Variants in CPNE2 observed in about 807,000 individuals in gnomAD.
The protein encoded by CPNE2 is copine-2.
Under a neutral mutation model 69.7 loss-of-function variants are expected in CPNE2, and 42 were observed. The observed-to-expected ratio is 0.60, with a 90% CI of 0.47 to 0.78. The LOEUF (loss-of-function observed/expected upper bound fraction) is 0.78, where lower values mean the gene tolerates loss of function less well. CPNE2 is among the 30% of genes least tolerant of loss of function. The pLI is 0.00. For synonymous variants in CPNE2, 294 were observed against 289.8 expected, an observed-to-expected ratio of 1.01 and a Z score of -0.15; for missense variants, 587 against 732.0, an observed-to-expected ratio of 0.80 and a Z score of 2.29.
In CPNE2 at chr16:57,095,072, G is replaced by C. The variant is rs78419474; in HGVS notation, c.-36+2282G>C. ...TGAACCTTATTCATAGATGGCACTG[G>C]GGCTACCGAATCAGGAGCAAAACAC... On this transcript the variant is annotated intron_variant, in intron 1 of 15. Transcript: ENST00000290776. Among the ~76,000 whole-genome samples the C allele has an allele frequency of 5.0e-3, 762 of 152,256 alleles. 7 individuals carry two copies. Among genetic ancestry groups the C allele is most frequent in the South Asian group, 0.026 (127 of 4,824 alleles).
intron 10 of CPNE2, chr16:57,124,886 G>T: frequency 4.3e-6 from 1 of 234,162 alleles, no homozygotes; most frequent in Non-Finnish European, 8.8e-6. Flanking sequence ...TGTTCCTCCT[G>T]CACGAGTTTG....
In CPNE2 at chr16:57,146,321, C is replaced by T. The variant is rs372028402; in HGVS notation, c.1539C>T (p.Asn513=). The T allele has an allele frequency of 3.2e-5, 50 of 1,547,506 alleles. No individual in the cohort carries two copies. The highest frequency in any genetic ancestry group is 3.9e-5 in the Admixed American group (2 of 51,162). The stretch of plus-strand genomic sequence containing the variant: ...TCGTTCCCTTTCGAGAGTTCCGCAA[C>T]GTGAGTGTGGGCCTGGGCTGGGAGG... The part of the protein sequence containing the change: ...VQFVPFREFR[N]AAKETLAKAV... The change falls in exon 15 of 16, where the codon AAC becomes AAT. Residue 513 remains asparagine, a splice_region_variant and synonymous_variant. Transcript: ENST00000290776. The surrounding 1 kb of genome is among the most constrained non-coding windows in gnomAD (Gnocchi z 4.4).
chr16:57,115,638 C>A, intron 4 of CPNE2, 88 bp downstream of exon 4: 1 of 827,598 alleles, frequency 1.2e-6, no homozygotes, highest in South Asian at 1.7e-5. Flanking sequence ...GGCAGATAAT[C>A]ACCAGCTTTG....
intron 7 of CPNE2, 82 bp downstream of exon 7, chr16:57,119,732 T>A: frequency 1.1e-6 from 1 of 900,656 alleles, no homozygotes; most frequent in Non-Finnish European, 1.7e-6. Flanking sequence ...GGATGCCTTG[T>A]AGAAAGCTCT....
chr16:57,117,866 C>T (rs1306966526), intron 5 of CPNE2, among the ~76,000 whole-genome samples: 2 of 152,122 alleles, frequency 1.3e-5, no homozygotes, highest in South Asian at 2.1e-4. Flanking sequence ...CTGATGTGTC[C>T]CCAGTGCCCC....
chr16:57,134,232 C>T (rs2069859994), intron 12 of CPNE2, among the ~76,000 whole-genome samples: 1 of 152,168 alleles, frequency 6.6e-6, no homozygotes, highest in Non-Finnish European at 1.5e-5. Flanking sequence ...CCATCTGATC[C>T]CCTTGCAGCC....
chr16:57,096,200 G>C (rs1226609433), intron 1 of CPNE2, among the ~76,000 whole-genome samples: 1 of 152,218 alleles, frequency 6.6e-6, no homozygotes, highest in East Asian at 1.9e-4. Context: ...ACCATACTGA[G>C]TGCTGGAAGG....
intron 8 of CPNE2, 52 bp downstream of exon 8, chr16:57,121,243 A>T: frequency 1.3e-6 from 2 of 1,525,996 alleles, no homozygotes; most frequent in Admixed American, 1.8e-5. Context: ...GGCTGGGGGA[A>T]GGGGCACCGG....
chr16:57,115,599 A>ACCCCCCCCCCCC, intron 4 of CPNE2, 49 bp downstream of exon 4: 1 of 1,155,822 alleles, frequency 8.7e-7, no homozygotes, highest in Non-Finnish European at 1.2e-6. Flanking sequence ...CCCACCCCAC[A>ACCCCCCCCCCCC]CCCTCCCCCA....
intron 1 of CPNE2, among the ~76,000 whole-genome samples, chr16:57,107,008 T>G (rs1424610122): frequency 6.6e-6 from 1 of 152,246 alleles, no homozygotes; most frequent in Non-Finnish European, 1.5e-5. Flanking sequence ...TGCCTTTTCC[T>G]GGCCCTGTAA....
chr16:57,098,683 C>T (rs1037567463), intron 1 of CPNE2, among the ~76,000 whole-genome samples: 14 of 152,170 alleles, frequency 9.2e-5, no homozygotes, highest in African/African-American at 3.1e-4. Context: ...CTCTACAATT[C>T]CAAGATGTTA....
intron 12 of CPNE2, among the ~76,000 whole-genome samples, chr16:57,134,085 C>T (rs946606899): frequency 1.3e-5 from 2 of 152,192 alleles, no homozygotes; most frequent in Non-Finnish European, 2.9e-5. Flanking sequence ...CGAAGCCATG[C>T]GAGCAGCAGC....
At chr16:57,096,414 G>A (rs1338364810) in intron 1 of CPNE2, among the ~76,000 whole-genome samples, 5 of 152,130 alleles carry the variant, frequency 3.3e-5, no homozygotes, top group South Asian at 2.1e-4. Context: ...TGGGAGAGCC[G>A]GGCGTGGTGG....
chr16:57,118,744 C>A (rs940375319), intron 5 of CPNE2, among the ~76,000 whole-genome samples: 4 of 152,002 alleles, frequency 2.6e-5, no homozygotes, highest in African/African-American at 9.7e-5. Flanking sequence ...ACTTTTTAAA[C>A]CTTAAATGAT....
chr16:57,147,510 T>TAGAA (rs1190307852), intron 15 of CPNE2, 41 bp from the exon 16 acceptor site: 1 of 1,408,200 alleles, frequency 7.1e-7, no homozygotes. Context: ...CATTAATCCT[T>TAGAA]ATTCTCTCTC....
Position 57,119,264 on chromosome 16 carries a change from G to C in CPNE2, c.577G>C (p.Val193Leu). 1 of 1,614,120 alleles carries C rather than the reference G, an allele frequency of 6.2e-7. No individual in the cohort carries two copies. The highest frequency in any genetic ancestry group is 8.5e-7 in the Non-Finnish European group (1 of 1,180,000). ...AGGAGACGATGGCAAGTGGATGCTG[G>C]TCCACAGGACTGAGGTGGGTACGTG... ...KPGDDGKWML[V>L]HRTEVIKYTL... The change falls in exon 6 of 16, where the codon GTC (valine) becomes CTC (leucine). Residue 193 changes from valine (V) to leucine (L), a missense_variant. Val to Leu is a conservative substitution (Grantham distance 32, BLOSUM62 1). Coordinates refer to ENST00000290776, the MANE Select transcript of CPNE2 (RefSeq NM_152727.6).
chr16:57,115,244 G>A (rs1335309947), intron 3 of CPNE2, among the ~76,000 whole-genome samples: 1 of 152,178 alleles, frequency 6.6e-6, no homozygotes, highest in East Asian at 1.9e-4. Flanking sequence ...GAGTCCAACT[G>A]CAGCGGGAGA....
Position 57,130,271 on chromosome 16 carries a change from C to T in CPNE2, c.1116+2368C>T, listed in dbSNP as rs1354490019. ...GCGGGAGTCTGTAATCCCAGCTACTCGGGAGGCTGAGGCAGGAAGATCCCT... is the reference window on the plus strand; with the variant it reads ...GCGGGAGTCTGTAATCCCAGCTACTTGGGAGGCTGAGGCAGGAAGATCCCT... On this transcript the variant is annotated intron_variant, in intron 12 of 15. Transcript: ENST00000290776. This position sits in a 1 kb window ranked among gnomAD's most constrained non-coding sequence, Gnocchi z 4.1. Among the ~76,000 whole-genome samples, 4 of 151,478 alleles carry T rather than the reference C, an allele frequency of 2.6e-5. No homozygotes were observed. The highest frequency in any genetic ancestry group is 4.9e-5 in the African/African-American group (2 of 41,176).
chr16:57,131,157 A>G (rs1260803315), intron 12 of CPNE2, among the ~76,000 whole-genome samples: 2 of 152,218 alleles, frequency 1.3e-5, no homozygotes, highest in African/African-American at 4.8e-5. Flanking sequence ...GTTGGACTCT[A>G]AAGTTTCTTC....
Sources: allele counts gnomAD v4.1 joint callset (sites outside exome capture counted in the v4.1 genomes callset), GRCh38; gene constraint gnomAD v4.1.1; non-coding constraint Gnocchi (gnomAD v3.1); transcripts MANE v1.5; gene names NCBI Gene and HGNC (gene_info 2026-07-23, HGNC 2026-07-21).